Variants in ARID1B observed in about 807,000 individuals in gnomAD.
ARID1B encodes the protein AT-rich interaction domain 1B.
Under a neutral mutation model 212.3 loss-of-function variants are expected in ARID1B, and 30 were observed. The observed-to-expected ratio is 0.14, with a 90% CI of 0.11 to 0.19. ARID1B has a LOEUF of 0.19. Ranked by LOEUF, ARID1B falls within the 10% of genes least tolerant of loss-of-function variation. The pLI, the probability that ARID1B is intolerant of heterozygous loss-of-function variation, is 1.00. For missense variants in ARID1B, 2,891 were observed against 3,204.0 expected (o/e 0.90, Z 2.36); for synonymous variants, 1,402 against 1,301.7 (o/e 1.08, Z -1.66).
chr6:156,895,245 T>C (rs1321305753), intron 2 of ARID1B, among the ~76,000 whole-genome samples: 7 of 152,224 alleles, frequency 4.6e-5, no homozygotes, highest in Admixed American at 4.6e-4. Context: ...ATAGGGAAAT[T>C]AGTGACCCTT....
chr6:156,876,002 TC>T (rs1786514572), intron 2 of ARID1B, among the ~76,000 whole-genome samples: 1 of 152,266 alleles, frequency 6.6e-6, no homozygotes, highest in African/African-American at 2.4e-5. Context: ...TGTTGAATAT[TC>T]CAAATTATAT....
intron 2 of ARID1B, among the ~76,000 whole-genome samples, chr6:156,890,394 C>T (rs1334432051): frequency 6.6e-6 from 1 of 152,136 alleles, no homozygotes; most frequent in Admixed American, 6.5e-5. Context: ...AGACTTGTTA[C>T]TGATAAAAAA....
At chr6:156,859,870 C>G (rs936374321) in intron 2 of ARID1B, among the ~76,000 whole-genome samples, 9 of 152,214 alleles carry the variant, frequency 5.9e-5, no homozygotes, top group Admixed American at 4.6e-4. Flanking sequence ...TTCATTCAGA[C>G]TTTCACACCC....
At chr6:157,192,523 G>T (rs538876763) in intron 15 of ARID1B, among the ~76,000 whole-genome samples, 3 of 152,272 alleles carry the variant, frequency 2.0e-5, no homozygotes. Flanking sequence ...TTGGTAAGTT[G>T]AAAACACACT....
At chr6:156,984,254 A>G (rs1051913554) in intron 4 of ARID1B, among the ~76,000 whole-genome samples, 8 of 152,296 alleles carry the variant, frequency 5.3e-5, no homozygotes, top group Admixed American at 3.3e-4. Context: ...GAGCCATGGC[A>G]GGGGCATTAG....
rs372607291 is a variant in ARID1B, at chr6:157,008,215, A to G, written c.2247+72639A>G. ...TTTTAAGCACACATATTTCAGTGGC[A>G]TTAAGTACATTCACATTGCTGTGTA... On this transcript the variant is annotated intron_variant, in intron 4 of 19. Transcript: ENST00000636930. Among the ~76,000 whole-genome samples, 11 of 152,248 alleles carry G rather than the reference A, an allele frequency of 7.2e-5. No homozygotes were observed. In the East Asian group the frequency reaches 7.7e-4, roughly 11 times the overall value.
intron 4 of ARID1B, among the ~76,000 whole-genome samples, chr6:156,980,162 T>C (rs2128373003): frequency 6.6e-6 from 1 of 152,340 alleles, no homozygotes; most frequent in African/African-American, 2.4e-5. Context: ...CATAGTGTCA[T>C]TGTAATTTGC....
At chr6:157,067,579 A>G (rs1349059174) in intron 4 of ARID1B, among the ~76,000 whole-genome samples, 2 of 152,064 alleles carry the variant, frequency 1.3e-5, no homozygotes, top group African/African-American at 4.8e-5. Flanking sequence ...AGAGTTTCCT[A>G]TATCATTTAG....
intron 4 of ARID1B, among the ~76,000 whole-genome samples, chr6:157,043,961 G>A (rs1466780325): frequency 6.6e-6 from 1 of 152,094 alleles, no homozygotes; most frequent in African/African-American, 2.4e-5. Flanking sequence ...AATATCTATG[G>A]GATATACGTG....
chr6:157,056,892 TTTC>T (rs1298233362), intron 4 of ARID1B, among the ~76,000 whole-genome samples: 1 of 152,050 alleles, frequency 6.6e-6, no homozygotes, highest in Non-Finnish European at 1.5e-5. Flanking sequence ...TGTTAAAACT[TTTC>T]TTCTTTTTTT....
At chr6:156,938,985 T>C (rs1009753591) in intron 4 of ARID1B, 2 of 152,252 alleles carry the variant, frequency 1.3e-5, no homozygotes, top group African/African-American at 4.8e-5. Flanking sequence ...CTTGGAGCCA[T>C]GACCAGTCAT....
intron 8 of ARID1B, among the ~76,000 whole-genome samples, chr6:157,159,252 C>T (rs1790768018): frequency 6.6e-6 from 1 of 152,220 alleles, no homozygotes; most frequent in Admixed American, 6.5e-5. Context: ...ATGGGCTTAA[C>T]AAACCAAAAT....
intron 8 of ARID1B, chr6:157,166,011 A>G (rs747091569): frequency 9.9e-5 from 15 of 151,460 alleles, no homozygotes; most frequent in Non-Finnish European, 2.1e-4. Flanking sequence ...GTACCCCTCT[A>G]CTAGCTTGTA....
chr6:157,039,346 C>T (rs1428655193), intron 4 of ARID1B, among the ~76,000 whole-genome samples: 1 of 54,278 alleles, frequency 1.8e-5, no homozygotes. Flanking sequence ...TTTTTTGAGA[C>T]GGAGTCTCGC....
At chr6:156,832,886 C>T (rs986509883) in intron 2 of ARID1B, among the ~76,000 whole-genome samples, 16 of 151,986 alleles carry the variant, frequency 1.1e-4, no homozygotes, top group East Asian at 1.9e-4. Flanking sequence ...TGAAGCATGA[C>T]GTGATAATAG....
chr6:157,204,136 C>G (rs147533130), intron 19 of ARID1B, 140 bp downstream of exon 19: 46 of 1,096,898 alleles, frequency 4.2e-5, no homozygotes, highest in Admixed American at 5.9e-5. Flanking sequence ...TATCAACCAG[C>G]CTTAATCAAT....
At chr6:156,853,865 G>T (rs1419778132) in intron 2 of ARID1B, among the ~76,000 whole-genome samples, 1 of 152,096 alleles carries the variant, frequency 6.6e-6, no homozygotes, top group African/African-American at 2.4e-5. Flanking sequence ...GCCTCCTGAG[G>T]AGCTGGGACC....
intron 2 of ARID1B, among the ~76,000 whole-genome samples, chr6:156,856,606 C>G (rs892912463): frequency 1.3e-5 from 2 of 151,474 alleles, no homozygotes; most frequent in Non-Finnish European, 2.9e-5. Context: ...ACTTGTGTAT[C>G]CACATGTGTG....
At position 156,778,422 on chromosome 6, in the gene ARID1B, A is replaced by C; in HGVS notation, c.742A>C (p.Ser248Arg). 1.3e-6 allele frequency: 2 copies of C among 1,511,150 alleles called. No homozygotes were observed. Among genetic ancestry groups the C allele is most frequent in the Non-Finnish European group, 1.8e-6 (2 of 1,134,970 alleles). The allele number at this position is 1,511,150 out of a possible 1,614,324, so 93.6% of individuals were successfully genotyped here. A position where few individuals can be genotyped will look rare whatever the true frequency, so the allele number is the denominator to read the frequency against. Reference protein sequence around the residue: ...EQPQHGGAKDSAAGGQADPPG... With the variant: ...EQPQHGGAKDRAAGGQADPPG... ...GCCGCAACATGGAGGCGCCAAGGAC[A>C]GTGCTGCGGGCGGCCAGGCCGACCC... The change falls in exon 1 of 20, where the codon AGT becomes CGT. Residue 248 changes from serine (S) to arginine (R), a missense_variant. By Grantham distance (110) the Ser-to-Arg change is moderately radical. Around this residue, in one of 7 missense-constraint regions of ARID1B, gnomAD observed 1,643 missense variants for 1,544.0 expected, o/e 1.06. Transcript: ENST00000636930.
Sources: allele counts gnomAD v4.1 joint callset (sites outside exome capture counted in the v4.1 genomes callset), GRCh38; gene constraint gnomAD v4.1.1; regional missense constraint gnomAD v4.1.1; transcripts MANE v1.5; gene names NCBI Gene and HGNC (gene_info 2026-07-23, HGNC 2026-07-21).